DTNA: variants seen among roughly 807,000 people sequenced by gnomAD.
DTNA encodes dystrophin-related protein 3.
In DTNA, 43 loss-of-function variants were observed where a neutral mutation model predicts 100.7. The observed-to-expected ratio is 0.43, with a 90% CI of 0.33 to 0.55. The LOEUF is 0.55. Ranked by LOEUF, DTNA falls within the 20% of genes least tolerant of loss-of-function variation. The pLI, the probability that DTNA is intolerant of heterozygous loss-of-function variation, is 0.04. For synonymous variants in DTNA, 349 were observed against 347.9 expected, an observed-to-expected ratio of 1.00 and a Z score of -0.04; for missense variants, 798 against 953.9, an observed-to-expected ratio of 0.84 and a Z score of 2.15.
intron 1 of DTNA, among the ~76,000 whole-genome samples, chr18:34,629,492 C>T (rs1225382128): frequency 4.6e-5 from 7 of 152,134 alleles, no homozygotes; most frequent in African/African-American, 1.4e-4. Flanking sequence ...AGCCCTAGCT[C>T]GGAAGATATC....
chr18:34,493,981 C>T (rs1443258095), intron 1 of DTNA: 7 of 149,042 alleles, frequency 4.7e-5, no homozygotes. Flanking sequence ...GCGGTAGCGG[C>T]TGCTGCAGGA....
intron 1 of DTNA, among the ~76,000 whole-genome samples, chr18:34,615,492 C>T (rs2055081091): frequency 1.3e-5 from 2 of 152,140 alleles, no homozygotes; most frequent in African/African-American, 2.4e-5. Flanking sequence ...AGGCAAGACT[C>T]TCCATGGGCA....
At chr18:34,810,566 G>C (rs2095467283) in intron 5 of DTNA, among the ~76,000 whole-genome samples, 1 of 152,014 alleles carries the variant, frequency 6.6e-6, no homozygotes, top group African/African-American at 2.4e-5. Context: ...GGGATAGGGA[G>C]AGGTTAGCTA....
intron 11 of DTNA, 143 bp downstream of exon 11, chr18:34,829,632 G>T (rs780597264): frequency 4.3e-4 from 381 of 894,344 alleles, no homozygotes; most frequent in South Asian, 6.0e-4. Context: ...AAATTGTGTT[G>T]AGACTTTTCA....
intron 4 of DTNA, among the ~76,000 whole-genome samples, chr18:34,798,824 T>C (rs935390218): frequency 6.6e-6 from 1 of 152,146 alleles, no homozygotes; most frequent in African/African-American, 2.4e-5. Context: ...CCCTATATTA[T>C]CATGATTTTC....
At chr18:34,535,022 T>A (rs1407730142) in intron 1 of DTNA, among the ~76,000 whole-genome samples, 2 of 152,178 alleles carry the variant, frequency 1.3e-5, no homozygotes, top group South Asian at 2.1e-4. Flanking sequence ...ATGGGATTGT[T>A]GGGTCAAATG....
chr18:34,573,994 G>T, intron 1 of DTNA: 1 of 155,914 alleles, frequency 6.4e-6, no homozygotes, highest in Non-Finnish European at 1.4e-5. Context: ...CACAAGCACT[G>T]GGGCTTGCCC....
chr18:34,797,318 G>A (rs2095023435), intron 4 of DTNA, among the ~76,000 whole-genome samples: 1 of 152,168 alleles, frequency 6.6e-6, no homozygotes. Context: ...ATGGATGAGT[G>A]TGCCTGAGAA....
intron 1 of DTNA, among the ~76,000 whole-genome samples, chr18:34,500,502 C>T (rs576621836): frequency 1.3e-5 from 2 of 151,002 alleles, no homozygotes; most frequent in Non-Finnish European, 2.9e-5. Context: ...CTCATTCTGT[C>T]GCCCAGGCTG....
intron 1 of DTNA, among the ~76,000 whole-genome samples, chr18:34,601,989 C>A (rs1449306285): frequency 6.6e-6 from 1 of 152,206 alleles, no homozygotes. Context: ...GAATACAATT[C>A]TAATCCTCAG....
At chr18:34,845,388 A>T (rs2096358470) in intron 13 of DTNA, among the ~76,000 whole-genome samples, 1 of 152,070 alleles carries the variant, frequency 6.6e-6, no homozygotes, top group Non-Finnish European at 1.5e-5. Context: ...TAAAAATATA[A>T]CCTTCATATT....
chr18:34,874,290 T>G (rs1247818486), intron 17 of DTNA, among the ~76,000 whole-genome samples: 2 of 152,234 alleles, frequency 1.3e-5, no homozygotes, highest in African/African-American at 4.8e-5. Flanking sequence ...TGGGATGGAA[T>G]TGATGTGAAC....
At chr18:34,861,591 G>C (rs2096628735) in intron 16 of DTNA, among the ~76,000 whole-genome samples, 1 of 149,954 alleles carries the variant, frequency 6.7e-6, no homozygotes, top group African/African-American at 2.4e-5. Flanking sequence ...CTTTAGAGAT[G>C]AATACATGTA....
Position 34,678,226 on chromosome 18 carries a change from C to T in DTNA, c.-1-77750C>T, listed in dbSNP as rs78681744. 2.6e-3 allele frequency among the ~76,000 whole-genome samples: 391 copies of T among 152,160 alleles called. 2 individuals carry two copies. The highest frequency in any genetic ancestry group is 8.8e-3 in the African/African-American group (364 of 41,494). On this transcript the variant is annotated intron_variant, in intron 1 of 19. Transcript: ENST00000283365. ...AAACCCGTATCATAAATAAACCTCA[C>T]GTAATGAACATGTCTGAGAACTTAG... is the stretch of plus-strand genomic sequence containing the variant.
chr18:34,617,858 C>T (rs2055637991), intron 1 of DTNA, among the ~76,000 whole-genome samples: 7 of 152,148 alleles, frequency 4.6e-5, no homozygotes, highest in Admixed American at 4.6e-4. Flanking sequence ...AAGCCAGAAA[C>T]TTTGTGTGAT....
chr18:34,638,553 T>C (rs1036802925), intron 1 of DTNA, among the ~76,000 whole-genome samples: 2 of 152,236 alleles, frequency 1.3e-5, no homozygotes, highest in South Asian at 4.1e-4. Context: ...AAAGGGACTT[T>C]GCATACTCTA....
intron 1 of DTNA, among the ~76,000 whole-genome samples, chr18:34,754,755 T>A (rs796999608): frequency 6.6e-6 from 1 of 152,174 alleles, no homozygotes. Flanking sequence ...CACCAACTTA[T>A]TTTTTGTGGT....
At chr18:34,610,015 G>A (rs1463350059) in intron 1 of DTNA, among the ~76,000 whole-genome samples, 3 of 150,022 alleles carry the variant, frequency 2.0e-5, no homozygotes, top group South Asian at 2.1e-4. Flanking sequence ...CATTTTTGCC[G>A]AGATCTATAT....
chr18:34,861,355 A>G (rs769648094), intron 16 of DTNA, among the ~76,000 whole-genome samples: 36 of 152,070 alleles, frequency 2.4e-4, no homozygotes, highest in Admixed American at 6.5e-4. Flanking sequence ...GCGTGGTGGC[A>G]GGCACCTGTA....
Sources: allele counts gnomAD v4.1 joint callset (sites outside exome capture counted in the v4.1 genomes callset), GRCh38; gene constraint gnomAD v4.1.1; transcripts MANE v1.5; gene names NCBI Gene and HGNC (gene_info 2026-07-23, HGNC 2026-07-21).